The following PKIA variants were observed in gnomAD, a reference collection of about 807,000 sequenced individuals.
The protein encoded by PKIA is PKI-alpha.
A neutral mutation model predicts 7.6 loss-of-function variants in PKIA; 4 were observed. The ratio of observed to expected loss-of-function variants is 0.52; its 90% CI spans 0.26 to 1.20. PKIA has a LOEUF of 1.20. Among genes scored for constraint, PKIA ranks in the 50% most tolerant of loss-of-function variants. The pLI is 0.13. For synonymous variants in PKIA, 21 were observed against 30.7 expected, an observed-to-expected ratio of 0.68 and a Z score of 1.04; for missense variants, 73 against 86.2, an observed-to-expected ratio of 0.85 and a Z score of 0.61.
chr8:78,554,453 G>A (rs1807076919), intron 1 of PKIA, among the ~76,000 whole-genome samples: 2 of 147,916 alleles, frequency 1.4e-5, no homozygotes, highest in Admixed American at 1.3e-4. Context: ...TAAGGAGCAA[G>A]TAGGCTTAGG....
intron 1 of PKIA, among the ~76,000 whole-genome samples, chr8:78,557,829 T>C (rs1249917410): frequency 6.6e-6 from 1 of 151,188 alleles, no homozygotes; most frequent in Non-Finnish European, 1.5e-5. Flanking sequence ...TTGACAGTAG[T>C]ACAATGTTGC....
intron 1 of PKIA, among the ~76,000 whole-genome samples, chr8:78,542,868 A>T (rs1309771069): frequency 6.6e-6 from 1 of 152,126 alleles, no homozygotes; most frequent in Non-Finnish European, 1.5e-5. Flanking sequence ...TCTCGTATCC[A>T]TCTGAAGATG....
At position 78,602,082 on chromosome 8, in the gene PKIA, A is replaced by G. The variant is rs1157503881; in HGVS notation, c.*261A>G. The G allele has an allele frequency of 1.5e-5, 7 of 465,982 alleles. No individual in the cohort carries two copies. Among genetic ancestry groups the G allele is most frequent in the Middle Eastern group, 1.2e-3 (2 of 1,736 alleles). 28.9% of individuals were successfully genotyped at this position (465,982 alleles called of 1,614,324 possible). ...TTTGTATGGATCCTTTCACTTGATC[A>G]TATGACGAAATGCTTATAGAGAGTA... On this transcript the variant is annotated 3_prime_UTR_variant, in exon 4 of 4. Coordinates refer to ENST00000396418, the MANE Select transcript of PKIA (RefSeq NM_006823.4).
intron 1 of PKIA, among the ~76,000 whole-genome samples, chr8:78,523,810 G>C (rs112150806): frequency 0.053 from 7,912 of 149,336 alleles, 293 homozygotes; most frequent in Non-Finnish European, 0.077. Flanking sequence ...TAAAGACCAG[G>C]AAATTCTAAA....
At chr8:78,519,828 A>G (rs1037852720) in intron 1 of PKIA, among the ~76,000 whole-genome samples, 3 of 152,096 alleles carry the variant, frequency 2.0e-5, no homozygotes, top group South Asian at 2.1e-4. Context: ...TGGCATGCCT[A>G]TGTGTTTTCA....
At chr8:78,537,107 C>T (rs1192455181) in intron 1 of PKIA, among the ~76,000 whole-genome samples, 1 of 151,718 alleles carries the variant, frequency 6.6e-6, no homozygotes, top group Non-Finnish European at 1.5e-5. Flanking sequence ...CTATAGGCCA[C>T]TTCCTTTGAT....
chr8:78,552,510 A>T (rs1207028850), intron 1 of PKIA, among the ~76,000 whole-genome samples: 1 of 151,950 alleles, frequency 6.6e-6, no homozygotes, highest in East Asian at 1.9e-4. Flanking sequence ...ATATTCTTAA[A>T]GGGGCCTTAT....
chr8:78,604,074 T>C lies in PKIA; in HGVS notation c.*2253T>C, dbSNP rs1050366297. On this transcript the variant is annotated 3_prime_UTR_variant, in exon 4 of 4. Coordinates refer to ENST00000396418, the MANE Select transcript of PKIA (RefSeq NM_006823.4). ...ACATCCTATACATTTTGCTTATTCA[T>C]GGCATCTTTCAAATTTTATTTTAGT... 4 of 152,150 alleles carry C rather than the reference T, an allele frequency of 2.6e-5. No individual in the cohort carries two copies. The East Asian group carries it at 7.7e-4, about 29-fold the overall frequency. 9.4% of individuals were successfully genotyped at this position (152,150 alleles called of 1,614,324 possible). A position where few individuals can be genotyped will look rare whatever the true frequency, so the allele number is the denominator to read the frequency against.
At chr8:78,548,738 T>C (rs763627338) in intron 1 of PKIA, among the ~76,000 whole-genome samples, 7 of 152,082 alleles carry the variant, frequency 4.6e-5, no homozygotes, top group Non-Finnish European at 8.8e-5. Context: ...AAATCTGTTA[T>C]TCCATGTTGA....
chr8:78,555,117 G>T (rs972713021), intron 1 of PKIA, among the ~76,000 whole-genome samples: 12 of 152,058 alleles, frequency 7.9e-5, no homozygotes, highest in African/African-American at 2.6e-4. Context: ...TTTTACAAAG[G>T]AATAGTAGTC....
intron 1 of PKIA, among the ~76,000 whole-genome samples, chr8:78,528,438 T>C (rs1806304481): frequency 6.6e-6 from 1 of 152,042 alleles, no homozygotes; most frequent in South Asian, 2.1e-4. Context: ...CAAAAATGCT[T>C]AAAGGCCAGA....
At chr8:78,595,466 G>A (rs1268503904) in intron 2 of PKIA, among the ~76,000 whole-genome samples, 2 of 152,090 alleles carry the variant, frequency 1.3e-5, no homozygotes, top group African/African-American at 4.8e-5. Context: ...GGTTCAAGGG[G>A]TACATATGCA....
At chr8:78,600,176 T>A (rs79207664) in intron 3 of PKIA, among the ~76,000 whole-genome samples, 6,924 of 152,002 alleles carry the variant, frequency 0.046, 245 homozygotes, top group Middle Eastern at 0.065. Flanking sequence ...TACAAAGCAA[T>A]AACTTTGTTT....
intron 2 of PKIA, among the ~76,000 whole-genome samples, chr8:78,582,413 T>A (rs1340035725): frequency 6.6e-6 from 1 of 151,920 alleles, no homozygotes; most frequent in Non-Finnish European, 1.5e-5. Context: ...GCCAGACACT[T>A]TTCAAACCAT....
At chr8:78,585,558 G>A (rs915579769) in intron 2 of PKIA, among the ~76,000 whole-genome samples, 3 of 151,960 alleles carry the variant, frequency 2.0e-5, no homozygotes, top group Admixed American at 6.6e-5. Context: ...TTACATTTTC[G>A]GTAGTTAAAG....
At position 78,602,957 on chromosome 8, in the gene PKIA, T is replaced by C. The variant is rs1808387914; in HGVS notation, c.*1136T>C. On this transcript the variant is annotated 3_prime_UTR_variant, in exon 4 of 4. Coordinates refer to ENST00000396418, the MANE Select transcript of PKIA (RefSeq NM_006823.4). ...TGGTGTTGTGTTTTCATGTCTTTTTTCAGCCCTCTCAGATCCAAATGTTAT... is the reference window on the plus strand; with the variant it reads ...TGGTGTTGTGTTTTCATGTCTTTTTCCAGCCCTCTCAGATCCAAATGTTAT... 1.3e-5 allele frequency: 2 copies of C among 152,320 alleles called. No individual in the cohort carries two copies. The highest frequency in any genetic ancestry group is 4.8e-5 in the African/African-American group (2 of 41,396). 9.4% of individuals were successfully genotyped at this position (152,320 alleles called of 1,614,324 possible). A position where few individuals can be genotyped will look rare whatever the true frequency, so the allele number is the denominator to read the frequency against.
At chr8:78,556,965 T>C (rs151039134) in intron 1 of PKIA, among the ~76,000 whole-genome samples, 1 of 152,262 alleles carries the variant, frequency 6.6e-6, no homozygotes, top group East Asian at 1.9e-4. Context: ...TGGCAACACA[T>C]GACAAAATCT....
At chr8:78,531,426 T>C (rs1174953301) in intron 1 of PKIA, among the ~76,000 whole-genome samples, 2 of 152,120 alleles carry the variant, frequency 1.3e-5, no homozygotes, top group Non-Finnish European at 2.9e-5. Context: ...GATCATTCGC[T>C]TTTGAGGCTA....
At chr8:78,586,481 C>T (rs1426367023) in intron 2 of PKIA, among the ~76,000 whole-genome samples, 1 of 152,012 alleles carries the variant, frequency 6.6e-6, no homozygotes, top group Non-Finnish European at 1.5e-5. Context: ...ACAGCCCTAA[C>T]AGTGAGGCAA....
Sources: gnomAD v4.1 joint callset for allele counts (sites outside exome capture counted in the v4.1 genomes callset) on GRCh38, gnomAD v4.1.1 for gene constraint, MANE v1.5 for transcripts, NCBI Gene and HGNC (gene_info 2026-07-23, HGNC 2026-07-21) for gene names.